Variants in CREBBP observed in about 807,000 individuals in gnomAD.
CREBBP encodes the protein CREB binding lysine acetyltransferase.
In CREBBP, 19 loss-of-function variants were observed where a neutral mutation model predicts 265.0. The ratio of observed to expected loss-of-function variants is 0.07; its 90% CI spans 0.05 to 0.11. The LOEUF (loss-of-function observed/expected upper bound fraction) is 0.11, where lower values mean the gene tolerates loss of function less well. CREBBP is among the 10% of genes least tolerant of loss of function. The pLI, the probability that CREBBP is intolerant of heterozygous loss-of-function variation, is 1.00. For missense variants in CREBBP, 2,525 were observed against 3,219.0 expected (o/e 0.78, Z 5.22); for synonymous variants, 1,457 against 1,223.7 (o/e 1.19, Z -3.98).
At chr16:3,858,990 T>C (rs1190856060) in intron 1 of CREBBP, among the ~76,000 whole-genome samples, 1 of 152,212 alleles carries the variant, frequency 6.6e-6, no homozygotes, top group African/African-American at 2.4e-5. Context: ...ACATATTTTC[T>C]CTTCCTCACC....
At chr16:3,765,063 T>G in intron 16 of CREBBP, among the ~76,000 whole-genome samples, 1 of 151,942 alleles carries the variant, frequency 6.6e-6, no homozygotes, top group Non-Finnish European at 1.5e-5. Context: ...AAGCTCTGCC[T>G]CCTGGGTTCA....
rs1486317585 is a variant in CREBBP, at chr16:3,740,471, G to A, written c.4061C>T (p.Ala1354Val). The A allele has an allele frequency of 1.1e-5, 18 of 1,614,152 alleles. No homozygotes were observed. Among genetic ancestry groups the A allele is most frequent in the Non-Finnish European group, 1.5e-5 (18 of 1,180,022 alleles). ...CACCACTCGGACAAAAACCTCCCCG[G>A]CTTCAGGGTGATTCTGGCGCCGCAA... is the stretch of plus-strand genomic sequence containing the variant. ...KFLRRQNHPE[A>V]GEVFVRVVAS... is the part of the protein sequence containing the mutation. The change falls in exon 24 of 31, where the codon GCC becomes GTC. Residue 1354 changes from alanine (A) to valine (V), a missense_variant. Around this residue, in one of 19 missense-constraint regions of CREBBP, gnomAD observed 252 missense variants for 452.5 expected, o/e 0.56. Coordinates refer to ENST00000262367, the MANE Select transcript of CREBBP (RefSeq NM_004380.3).
chr16:3,747,599 T>C (rs1423669801), intron 21 of CREBBP, among the ~76,000 whole-genome samples: 2 of 152,162 alleles, frequency 1.3e-5, no homozygotes, highest in African/African-American at 4.8e-5. Context: ...AGGAGACCCC[T>C]TCACTCATCC....
chr16:3,790,416 C>T (rs369244979), intron 5 of CREBBP, among the ~76,000 whole-genome samples: 6 of 145,408 alleles, frequency 4.1e-5, no homozygotes, highest in African/African-American at 1.5e-4. Context: ...CCCTTGTTGC[C>T]CAGGCTGGAG....
At chr16:3,762,646 A>G (rs1438039382) in intron 16 of CREBBP, among the ~76,000 whole-genome samples, 1 of 152,128 alleles carries the variant, frequency 6.6e-6, no homozygotes, top group Non-Finnish European at 1.5e-5. Flanking sequence ...GCATCTCCCA[A>G]AAACGCGGCT....
intron 9 of CREBBP, 45 bp downstream of exon 9, chr16:3,778,655 A>C: frequency 1.5e-6 from 2 of 1,376,496 alleles, no homozygotes; most frequent in South Asian, 2.3e-5. Context: ...AGTGCTGTCT[A>C]CTACAGATGC....
chr16:3,785,910 T>TA (rs1324162618), intron 5 of CREBBP, among the ~76,000 whole-genome samples: 1 of 152,180 alleles, frequency 6.6e-6, no homozygotes, highest in Non-Finnish European at 1.5e-5. Context: ...TTTACCTCTT[T>TA]AAAGCTCCCC....
Position 3,725,259 on chromosome 16 carries a change from C to T in CREBBP, c.*2459G>A, listed in dbSNP as rs988554666. ...CCACAGACCATGCTCTCGGTCACAT[C>T]CTTCGACATCTGGATTGCCCAAGAC... On this transcript the variant is annotated 3_prime_UTR_variant, in exon 31 of 31. Coordinates refer to ENST00000262367, the MANE Select transcript of CREBBP (RefSeq NM_004380.3). The T allele has an allele frequency of 4.3e-6, 1 of 233,348 alleles. No individual in the cohort carries two copies. The highest frequency in any genetic ancestry group is 8.5e-6 in the Non-Finnish European group (1 of 118,046). The allele number at this position is 233,348 out of a possible 1,614,324, so 14.5% of individuals were successfully genotyped here.
At chr16:3,859,482 C>T (rs1041951103) in intron 1 of CREBBP, among the ~76,000 whole-genome samples, 1 of 152,222 alleles carries the variant, frequency 6.6e-6, no homozygotes, top group African/African-American at 2.4e-5. Flanking sequence ...GTGTGAGCCA[C>T]CACACCCAAC....
chr16:3,849,454 T>G (rs1229669081), intron 2 of CREBBP, among the ~76,000 whole-genome samples: 14 of 90,346 alleles, frequency 1.5e-4, no homozygotes, highest in South Asian at 1.2e-3. Context: ...TGTGTGTGTG[T>G]GTGTGTGTGT....
intron 1 of CREBBP, among the ~76,000 whole-genome samples, chr16:3,864,158 C>T (rs1341343473): frequency 6.6e-6 from 1 of 152,224 alleles, no homozygotes; most frequent in Non-Finnish European, 1.5e-5. Context: ...AGCAAACAGA[C>T]ATCCAGAGAC....
Position 3,815,898 on chromosome 16 carries a change from CT to C in CREBBP, c.799-5120del, listed in dbSNP as rs527433227. 1.4e-4 allele frequency among the ~76,000 whole-genome samples: 21 copies of C among 150,934 alleles called. No homozygotes were observed. In the South Asian group the frequency reaches 1.5e-3, roughly 11 times the overall value. On this transcript the variant is annotated intron_variant, in intron 2 of 30. Transcript: ENST00000262367. ...TAGCAAATACAAAGTCTTATTCATTCTTTTTTTTTGTATTCCATACACTCTT... is the reference window on the plus strand; with the variant it reads ...TAGCAAATACAAAGTCTTATTCATTCTTTTTTTTGTATTCCATACACTCTT...
chr16:3,822,907 T>G (rs2054167587), intron 2 of CREBBP, among the ~76,000 whole-genome samples: 1 of 152,160 alleles, frequency 6.6e-6, no homozygotes, highest in Non-Finnish European at 1.5e-5. Context: ...CTCTGTGCCT[T>G]GTTTCGAGAG....
rs1207005956 is a variant in CREBBP, at chr16:3,728,168, C to A, written c.6879G>T (p.Gln2293His). The stretch of plus-strand genomic sequence containing the variant: ...TCATCTGCTGTTGCTGCAGAATCCG[C>A]TGCTGCAGGGCTTGCTGGATGTTGG... ...STPNIQQALQ[Q>H]RILQQQQMKQ... Residue 2293 changes from glutamine to histidine, a missense_variant, in exon 31 of 31, where the codon CAG (glutamine) becomes CAT (histidine). By Grantham distance (24) the Gln-to-His change is conservative. Transcript: ENST00000262367. The surrounding 1 kb of genome is among the most constrained non-coding windows in gnomAD (Gnocchi z 8.7). The A allele has an allele frequency of 3.1e-6, 5 of 1,614,004 alleles. No individual in the cohort carries two copies. Among genetic ancestry groups the A allele is most frequent in the South Asian group, 1.1e-5 (1 of 91,088 alleles).
intron 5 of CREBBP, among the ~76,000 whole-genome samples, chr16:3,790,435 C>A (rs367628411): frequency 3.9e-5 from 5 of 129,688 alleles, no homozygotes; most frequent in East Asian, 2.4e-4. Flanking sequence ...AGTGCACTGG[C>A]GTGATCTCGG....
intron 1 of CREBBP, among the ~76,000 whole-genome samples, chr16:3,863,495 T>C (rs1358206843): frequency 6.6e-6 from 1 of 151,900 alleles, no homozygotes. Context: ...CCTAGCTACC[T>C]AGGAGGGTGA....
intron 1 of CREBBP, among the ~76,000 whole-genome samples, chr16:3,876,893 T>C (rs2055414612): frequency 6.6e-6 from 1 of 152,178 alleles, no homozygotes; most frequent in Non-Finnish European, 1.5e-5. Context: ...CCTTCGGGAG[T>C]GCTGTTTGCA....
At chr16:3,849,424 T>TGTGTGTGTGTGTGTGTG (rs2054747599) in intron 2 of CREBBP, among the ~76,000 whole-genome samples, 1 of 7,402 alleles carries the variant, frequency 1.4e-4, no homozygotes, top group African/African-American at 1.6e-4. Context: ...TGTGTGTGTG[T>TGTGTGTGTGTGTGTGTG]GTGTGTGTGT....
intron 5 of CREBBP, among the ~76,000 whole-genome samples, chr16:3,788,356 A>G (rs1220161328): frequency 6.6e-6 from 1 of 152,144 alleles, no homozygotes; most frequent in Non-Finnish European, 1.5e-5. Context: ...TGGGGGCCCA[A>G]TTTCTTTATT....
Sources: gnomAD v4.1 joint callset for allele counts (sites outside exome capture counted in the v4.1 genomes callset) on GRCh38, gnomAD v4.1.1 for gene constraint, gnomAD v4.1.1 regional missense constraint, Gnocchi (gnomAD v3.1) non-coding constraint, MANE v1.5 for transcripts, NCBI Gene and HGNC (gene_info 2026-07-23, HGNC 2026-07-21) for gene names.